The following CNTN5 variants were observed in gnomAD, a reference collection of about 807,000 sequenced individuals.
CNTN5 encodes the protein contactin-5.
In CNTN5, 77 loss-of-function variants were observed where a neutral mutation model predicts 129.1. The ratio of observed to expected loss-of-function variants is 0.60; its 90% CI spans 0.50 to 0.72. CNTN5 has a LOEUF of 0.72. Ranked by LOEUF, CNTN5 falls within the 30% of genes least tolerant of loss-of-function variation. CNTN5 has a pLI of 0.00. For synonymous variants in CNTN5, 509 were observed against 465.6 expected (o/e 1.09, Z -1.20); for missense variants, 1,478 against 1,328.8 (o/e 1.11, Z -1.75).
intron 1 of CNTN5, among the ~76,000 whole-genome samples, chr11:99,313,003 G>T (rs541673112): frequency 9.2e-5 from 14 of 151,762 alleles, no homozygotes; most frequent in African/African-American, 2.9e-4. Flanking sequence ...GATAAAAGTA[G>T]AAAACCCAGA....
intron 13 of CNTN5, among the ~76,000 whole-genome samples, chr11:100,096,526 C>G (rs1945016473): frequency 6.6e-6 from 1 of 152,054 alleles, no homozygotes; most frequent in Non-Finnish European, 1.5e-5. Flanking sequence ...AGCTCCATCA[C>G]TGTTGCTACC....
chr11:99,957,144 AT>A, intron 8 of CNTN5, 135 bp downstream of exon 8: 2 of 733,502 alleles, frequency 2.7e-6, no homozygotes, highest in Non-Finnish European at 4.4e-6. Flanking sequence ...TAGACACTAC[AT>A]TTTTAGGCCA....
intron 6 of CNTN5, among the ~76,000 whole-genome samples, chr11:99,905,197 G>A (rs1949465963): frequency 6.6e-6 from 1 of 152,116 alleles, no homozygotes; most frequent in Non-Finnish European, 1.5e-5. Context: ...TGGTGTTTTA[G>A]TCATGAAGTC....
At chr11:99,302,472 A>G (rs1376800584) in intron 1 of CNTN5, among the ~76,000 whole-genome samples, 4 of 151,838 alleles carry the variant, frequency 2.6e-5, no homozygotes, top group African/African-American at 9.7e-5. Context: ...TTAGAGGAAG[A>G]AATGGAAAGT....
At chr11:99,922,371 A>G (rs1194761667) in intron 7 of CNTN5, among the ~76,000 whole-genome samples, 1 of 152,212 alleles carries the variant, frequency 6.6e-6, no homozygotes, top group African/African-American at 2.4e-5. Context: ...GTGGGGACAC[A>G]CCAAACCAAA....
chr11:99,819,328 C>CCCTCT (rs1946703444), intron 3 of CNTN5, among the ~76,000 whole-genome samples: 6 of 76,696 alleles, frequency 7.8e-5, no homozygotes, highest in South Asian at 5.4e-4. Context: ...CCCTCCCCTC[C>CCCTCT]CCTCCCCTCC....
intron 3 of CNTN5, among the ~76,000 whole-genome samples, chr11:99,595,155 G>A (rs1176509707): frequency 6.6e-6 from 1 of 152,028 alleles, no homozygotes; most frequent in Non-Finnish European, 1.5e-5. Context: ...ACACACTAGG[G>A]TGACTATAGC....
intron 21 of CNTN5, among the ~76,000 whole-genome samples, chr11:100,334,222 A>G (rs1951975964): frequency 6.6e-6 from 1 of 152,242 alleles, no homozygotes. Flanking sequence ...AATCAAAACC[A>G]CAAAGAGATA....
At chr11:100,311,915 C>T (rs1951480884) in intron 21 of CNTN5, among the ~76,000 whole-genome samples, 1 of 151,998 alleles carries the variant, frequency 6.6e-6, no homozygotes, top group Admixed American at 6.6e-5. Flanking sequence ...TTCAAAATAA[C>T]TTATTGCAAG....
At chr11:100,052,254 G>C (rs903397297) in intron 9 of CNTN5, among the ~76,000 whole-genome samples, 1 of 151,782 alleles carries the variant, frequency 6.6e-6, no homozygotes, top group African/African-American at 2.4e-5. Context: ...CCTACAAAAA[G>C]TCAATATTCA....
intron 8 of CNTN5, among the ~76,000 whole-genome samples, chr11:99,966,781 A>G (rs190590964): frequency 1.6e-4 from 24 of 152,316 alleles, no homozygotes; most frequent in Admixed American, 8.5e-4. Context: ...TAATACTTAC[A>G]TAAATTCAAA....
At chr11:99,993,960 A>G (rs1472328191) in intron 8 of CNTN5, among the ~76,000 whole-genome samples, 2 of 152,272 alleles carry the variant, frequency 1.3e-5, no homozygotes, top group South Asian at 2.1e-4. Context: ...AATAATTTGA[A>G]GCCTCTTATT....
At chr11:99,557,222 CT>C (rs1948701761) in intron 3 of CNTN5, among the ~76,000 whole-genome samples, 1 of 151,028 alleles carries the variant, frequency 6.6e-6, no homozygotes, top group African/African-American at 2.4e-5. Flanking sequence ...TCATTCAGTA[CT>C]CTATGCAAAT....
At chr11:99,049,624 G>C (rs1230160932) in intron 1 of CNTN5, 1 of 152,054 alleles carries the variant, frequency 6.6e-6, no homozygotes, top group African/African-American at 2.4e-5. Flanking sequence ...ATTGCTTCCA[G>C]GACCCTCCCC....
At chr11:99,790,335 A>C (rs1272442695) in intron 3 of CNTN5, among the ~76,000 whole-genome samples, 1 of 151,782 alleles carries the variant, frequency 6.6e-6, no homozygotes, top group African/African-American at 2.4e-5. Context: ...CTCTCCTTCC[A>C]CCTCAAGTAG....
intron 3 of CNTN5, among the ~76,000 whole-genome samples, chr11:99,643,996 C>T (rs933018963): frequency 1.3e-5 from 2 of 149,864 alleles, no homozygotes; most frequent in Non-Finnish European, 3.0e-5. Flanking sequence ...TCTATATGCA[C>T]ACATGATAAT....
chr11:100,254,655 C>T (rs2138722510), intron 16 of CNTN5, among the ~76,000 whole-genome samples: 1 of 152,196 alleles, frequency 6.6e-6, no homozygotes, highest in East Asian at 1.9e-4. Context: ...ACTTTTTCTC[C>T]ATCTTACTGA....
chr11:99,339,452 G>A (rs1238109680), intron 2 of CNTN5, among the ~76,000 whole-genome samples: 1 of 152,012 alleles, frequency 6.6e-6, no homozygotes, highest in Non-Finnish European at 1.5e-5. Context: ...CAGTCATGTG[G>A]ATTTTTTGGT....
intron 1 of CNTN5, among the ~76,000 whole-genome samples, chr11:99,213,095 G>A (rs1429273682): frequency 6.6e-6 from 1 of 151,622 alleles, no homozygotes; most frequent in Non-Finnish European, 1.5e-5. Flanking sequence ...GGAAGTTGAG[G>A]CAGGAGAATT....
Sources: allele counts gnomAD v4.1 joint callset (sites outside exome capture counted in the v4.1 genomes callset), GRCh38; gene constraint gnomAD v4.1.1; transcripts MANE v1.5; gene names NCBI Gene and HGNC (gene_info 2026-07-23, HGNC 2026-07-21).